Variants in TAFA2 observed in about 807,000 individuals in gnomAD.
TAFA2 encodes chemokine-like protein TAFA-2.
A neutral mutation model predicts 18.8 loss-of-function variants in TAFA2; 7 were observed. That is an observed-to-expected ratio of 0.37 (90% CI 0.21 to 0.70). The LOEUF (loss-of-function observed/expected upper bound fraction) is 0.70, where lower values mean the gene tolerates loss of function less well. Ranked by LOEUF, TAFA2 falls within the 30% of genes least tolerant of loss-of-function variation. The pLI, the probability that TAFA2 is intolerant of heterozygous loss-of-function variation, is 0.53. For missense variants in TAFA2, 122 were observed against 158.1 expected (o/e 0.77, Z 1.23); for synonymous variants, 60 against 54.2 (o/e 1.11, Z -0.47).
At chr12:62,177,332 A>G (rs1273437074) in intron 1 of TAFA2, among the ~76,000 whole-genome samples, 1 of 152,270 alleles carries the variant, frequency 6.6e-6, no homozygotes, top group Non-Finnish European at 1.5e-5. Context: ...GCTGCTAGAA[A>G]AGTGGACTTC....
chr12:61,762,345 A>C (rs7487001), intron 2 of TAFA2, among the ~76,000 whole-genome samples: 3,059 of 152,088 alleles, frequency 0.02, 118 homozygotes, highest in African/African-American at 0.07. Context: ...GAAAGAGCTT[A>C]GCTTGACCTA....
At chr12:61,966,027 G>A (rs1879054423) in intron 1 of TAFA2, among the ~76,000 whole-genome samples, 1 of 151,782 alleles carries the variant, frequency 6.6e-6, no homozygotes, top group African/African-American at 2.4e-5. Context: ...CTGTGAACGT[G>A]GGGGTATAAT....
At chr12:61,740,311 A>C (rs117200277) in intron 4 of TAFA2, among the ~76,000 whole-genome samples, 2,630 of 152,082 alleles carry the variant, frequency 0.017, 43 homozygotes, top group Non-Finnish European at 0.028. Context: ...GTGGGGGGGA[A>C]TATCACACAC....
chr12:61,859,282 A>T (rs2121188602), intron 2 of TAFA2, among the ~76,000 whole-genome samples: 1 of 152,298 alleles, frequency 6.6e-6, no homozygotes, highest in East Asian at 1.9e-4. Context: ...AGACTCACTC[A>T]TTACCACCAG....
chr12:61,896,154 G>A (rs1472799548), intron 1 of TAFA2, among the ~76,000 whole-genome samples: 4 of 152,094 alleles, frequency 2.6e-5, no homozygotes, highest in Non-Finnish European at 4.4e-5. Flanking sequence ...TCATCGATGA[G>A]GCAATGGAAA....
At chr12:61,716,099 A>G (rs1013289382) in intron 4 of TAFA2, among the ~76,000 whole-genome samples, 11 of 152,204 alleles carry the variant, frequency 7.2e-5, no homozygotes, top group Admixed American at 5.9e-4. Flanking sequence ...AATAGGTTAC[A>G]TGCTTAAAAC....
At chr12:61,887,931 ACACTTCT>A (rs1399590122) in intron 1 of TAFA2, among the ~76,000 whole-genome samples, 1 of 152,148 alleles carries the variant, frequency 6.6e-6, no homozygotes, top group Admixed American at 6.5e-5. Flanking sequence ...ACATGAACAG[ACACTTCT>A]CAAAAGAAGA....
chr12:61,833,757 A>G (rs1436931576), intron 2 of TAFA2, among the ~76,000 whole-genome samples: 1 of 151,996 alleles, frequency 6.6e-6, no homozygotes, highest in Non-Finnish European at 1.5e-5. Context: ...CCACCCAGAT[A>G]AACAAGGGTG....
At chr12:61,734,454 T>C (rs1044175061) in intron 4 of TAFA2, among the ~76,000 whole-genome samples, 5 of 151,420 alleles carry the variant, frequency 3.3e-5, no homozygotes, top group African/African-American at 1.2e-4. Context: ...GCATGGCACA[T>C]GTATACATAT....
intron 1 of TAFA2, among the ~76,000 whole-genome samples, chr12:62,016,408 C>T (rs982254186): frequency 1.3e-5 from 2 of 152,110 alleles, no homozygotes; most frequent in African/African-American, 4.8e-5. Flanking sequence ...GAAATTTTTA[C>T]CCCTCAAGTT....
At chr12:61,809,091 T>G (rs1251660397) in intron 2 of TAFA2, among the ~76,000 whole-genome samples, 1 of 151,438 alleles carries the variant, frequency 6.6e-6, no homozygotes, top group Non-Finnish European at 1.5e-5. Context: ...GCACATAGCT[T>G]GAAAGTGTGT....
chr12:61,970,404 G>A (rs117218524), intron 1 of TAFA2, among the ~76,000 whole-genome samples: 28 of 151,388 alleles, frequency 1.8e-4, no homozygotes, highest in East Asian at 1.4e-3. Flanking sequence ...ATACAATGTC[G>A]GAAGCTATAA....
chr12:61,737,539 G>C (rs182391072), intron 4 of TAFA2, among the ~76,000 whole-genome samples: 1 of 151,418 alleles, frequency 6.6e-6, no homozygotes, highest in African/African-American at 2.4e-5. Context: ...CTAGTCTTGG[G>C]ATTATGCTCA....
intron 4 of TAFA2, among the ~76,000 whole-genome samples, chr12:61,737,224 C>T (rs374098614): frequency 3.2e-4 from 48 of 151,786 alleles, no homozygotes; most frequent in Middle Eastern, 3.4e-3. Flanking sequence ...AGTTTACCAA[C>T]GAGATTTTTT....
chr12:62,256,937 G>T (rs2136997917), intron 1 of TAFA2, among the ~76,000 whole-genome samples: 1 of 152,216 alleles, frequency 6.6e-6, no homozygotes. Flanking sequence ...ATAAAAGAAT[G>T]AAAGGTTTAG....
intron 1 of TAFA2, among the ~76,000 whole-genome samples, chr12:62,017,530 T>G (rs1453221893): frequency 4.6e-5 from 7 of 152,144 alleles, no homozygotes; most frequent in Admixed American, 4.6e-4. Context: ...CAGAATATAT[T>G]CTATCTTAAA....
chr12:62,022,659 GAAA>G (rs66957885), intron 1 of TAFA2, among the ~76,000 whole-genome samples: 16,545 of 152,146 alleles, frequency 0.11, 1,119 homozygotes, highest in East Asian at 0.17. Flanking sequence ...TTTTCTGGAT[GAAA>G]ACCTTTCTAG....
chr12:61,958,974 A>G (rs1050286745), intron 1 of TAFA2, among the ~76,000 whole-genome samples: 2 of 151,980 alleles, frequency 1.3e-5, no homozygotes, highest in Non-Finnish European at 2.9e-5. Flanking sequence ...TCTTTTCCAG[A>G]ATAAATTGCA....
intron 1 of TAFA2, among the ~76,000 whole-genome samples, chr12:61,922,931 C>T (rs1039377043): frequency 3.3e-5 from 5 of 152,236 alleles, no homozygotes; most frequent in South Asian, 2.1e-4. Context: ...CTACTATTCC[C>T]GAGGCTTCAG....
Sources: gnomAD v4.1 joint callset for allele counts (sites outside exome capture counted in the v4.1 genomes callset) on GRCh38, gnomAD v4.1.1 for gene constraint, MANE v1.5 for transcripts, NCBI Gene and HGNC (gene_info 2026-07-23, HGNC 2026-07-21) for gene names.